SYNDIG1: variants seen among roughly 807,000 people sequenced by gnomAD.
SYNDIG1 encodes synapse differentiation-inducing gene protein 1.
A neutral mutation model predicts 19.4 loss-of-function variants in SYNDIG1; 9 were observed. That is an observed-to-expected ratio of 0.46 (90% CI 0.28 to 0.81). The LOEUF (loss-of-function observed/expected upper bound fraction) is 0.81, where lower values mean the gene tolerates loss of function less well. Ranked by LOEUF, SYNDIG1 falls within the 30% of genes least tolerant of loss-of-function variation. SYNDIG1 has a pLI of 0.12. For missense variants in SYNDIG1, 311 were observed against 343.3 expected (o/e 0.91, Z 0.74); for synonymous variants, 141 against 145.9 (o/e 0.97, Z 0.24).
At chr20:24,546,188 T>C (rs150881565) in intron 2 of SYNDIG1, among the ~76,000 whole-genome samples, 1 of 152,350 alleles carries the variant, frequency 6.6e-6, no homozygotes, top group Non-Finnish European at 1.5e-5. Context: ...CTATGGTGCT[T>C]TTCATTCCCT....
In SYNDIG1 at chr20:24,640,506, GA is replaced by G. The variant is rs1483416487; in HGVS notation, c.619-24838del. Among the ~76,000 whole-genome samples, 9 of 144,704 alleles carry G rather than the reference GA, an allele frequency of 6.2e-5. No homozygotes were observed. The East Asian group carries it at 8.0e-4, about 13-fold the overall frequency. The allele number at this position is 144,704 out of a possible 152,430, so 94.9% of individuals were successfully genotyped here. On this transcript the variant is annotated intron_variant, in intron 3 of 3. Coordinates refer to ENST00000376862, the MANE Select transcript of SYNDIG1 (RefSeq NM_024893.3). ...GGAAGGAAGGAAGGAAGGAAGGAAG[GA>G]AGGAAGGAAGGAAGGAAGGAAGGAG...
chr20:24,478,939 G>C lies in SYNDIG1; in HGVS notation c.-79+9186G>C, dbSNP rs141899125. 5.3e-5 allele frequency among the ~76,000 whole-genome samples: 8 copies of C among 152,352 alleles called. No individual in the cohort carries two copies. The South Asian group carries it at 1.7e-3, about 32-fold the overall frequency. ...GACAGCAGGTCGACTGTCAGACCTC[G>C]TGGGCACTGTGTTCTTGTCTCGCTC... On this transcript the variant is annotated intron_variant, in intron 1 of 3. Transcript: ENST00000376862.
At chr20:24,575,662 GCACCT>G (rs1372851872) in intron 2 of SYNDIG1, among the ~76,000 whole-genome samples, 63 of 152,162 alleles carry the variant, frequency 4.1e-4, no homozygotes, top group African/African-American at 1.4e-3. Flanking sequence ...CATATTTTAT[GCACCT>G]AACTGGATTA....
At chr20:24,661,409 GAAGGAGGAGTTAGGAAGGA>G (rs1600843208) in intron 3 of SYNDIG1, among the ~76,000 whole-genome samples, 3 of 101,124 alleles carry the variant, frequency 3.0e-5, no homozygotes, top group Non-Finnish European at 4.4e-5. Context: ...AGGTAGGAAA[GAAGGAGGAGTTAGGAAGGA>G]GGGAGGAAGG....
intron 2 of SYNDIG1, among the ~76,000 whole-genome samples, chr20:24,562,272 G>A (rs943755043): frequency 6.6e-6 from 1 of 152,202 alleles, no homozygotes; most frequent in Non-Finnish European, 1.5e-5. Context: ...TGAATAACTG[G>A]CTCATCCTAG....
chr20:24,480,381 G>T (rs763302031), intron 1 of SYNDIG1, among the ~76,000 whole-genome samples: 71 of 152,162 alleles, frequency 4.7e-4, no homozygotes, highest in Non-Finnish European at 8.2e-4. Context: ...GTGAAGAAAT[G>T]TCCTACCAGA....
intron 2 of SYNDIG1, among the ~76,000 whole-genome samples, chr20:24,584,603 C>T (rs1019170221): frequency 7.9e-5 from 12 of 152,224 alleles, no homozygotes; most frequent in Admixed American, 4.6e-4. Context: ...CTTCTGCAAA[C>T]GAGTGACCCA....
chr20:24,501,793 G>A (rs6114746), intron 1 of SYNDIG1, among the ~76,000 whole-genome samples: 1,898 of 152,330 alleles, frequency 0.012, 39 homozygotes, highest in African/African-American at 0.043. Context: ...CCCACTTGTG[G>A]TGTCTCATCC....
intron 2 of SYNDIG1, among the ~76,000 whole-genome samples, chr20:24,548,799 G>T (rs2057643326): frequency 6.6e-6 from 1 of 152,116 alleles, no homozygotes; most frequent in Non-Finnish European, 1.5e-5. Flanking sequence ...ATCTTAGGGG[G>T]AGCTTTTAGC....
rs1379533977 is a variant in SYNDIG1 at position 24,580,785 on chromosome 20, A to G, written c.481-4071A>G. Among the ~76,000 whole-genome samples, 5 of 152,188 alleles carry G rather than the reference A, an allele frequency of 3.3e-5. No homozygotes were observed. In the East Asian group the frequency reaches 5.8e-4, roughly 18 times the overall value. On this transcript the variant is annotated intron_variant, in intron 2 of 3. Coordinates refer to ENST00000376862, the MANE Select transcript of SYNDIG1 (RefSeq NM_024893.3). ...ATCTAGCCTCAGCTTGGTAATTTACAGAGTGTGATTCCTTTATGCTTCTAA... is the reference window on the plus strand; with the variant it reads ...ATCTAGCCTCAGCTTGGTAATTTACGGAGTGTGATTCCTTTATGCTTCTAA...
chr20:24,508,199 A>G (rs536526765), intron 1 of SYNDIG1, among the ~76,000 whole-genome samples: 15 of 150,552 alleles, frequency 1.0e-4, no homozygotes, highest in Admixed American at 2.0e-4. Flanking sequence ...TAAGTGGAAA[A>G]TTAAAATTAA....
chr20:24,578,687 G>C (rs1308994315), intron 2 of SYNDIG1, among the ~76,000 whole-genome samples: 1 of 152,186 alleles, frequency 6.6e-6, no homozygotes, highest in African/African-American at 2.4e-5. Context: ...GGGACGGCAG[G>C]TGCACAGGCT....
At chr20:24,648,622 A>G (rs1298421772) in intron 3 of SYNDIG1, among the ~76,000 whole-genome samples, 2 of 152,246 alleles carry the variant, frequency 1.3e-5, no homozygotes, top group East Asian at 1.9e-4. Context: ...CAGCAGGGCC[A>G]GCAGGGAGCC....
At chr20:24,507,785 C>T (rs1433028976) in intron 1 of SYNDIG1, among the ~76,000 whole-genome samples, 4 of 152,334 alleles carry the variant, frequency 2.6e-5, no homozygotes, top group South Asian at 2.1e-4. Flanking sequence ...GGGCCTCCTG[C>T]GGCCATCTGT....
chr20:24,636,975 A>C (rs778954571), intron 3 of SYNDIG1, among the ~76,000 whole-genome samples: 1 of 152,250 alleles, frequency 6.6e-6, no homozygotes, highest in Admixed American at 6.5e-5. Flanking sequence ...GAGGCCTTGC[A>C]TACCATCCAA....
At chr20:24,514,165 A>G (rs1442847649) in intron 1 of SYNDIG1, among the ~76,000 whole-genome samples, 1 of 152,224 alleles carries the variant, frequency 6.6e-6, no homozygotes, top group East Asian at 1.9e-4. Context: ...AGCCACTGCA[A>G]AAACATGCCA....
At chr20:24,610,255 T>G (rs2147171211) in intron 3 of SYNDIG1, among the ~76,000 whole-genome samples, 1 of 152,340 alleles carries the variant, frequency 6.6e-6, no homozygotes, top group East Asian at 1.9e-4. Context: ...GTGATAATTT[T>G]GAATAATTTG....
intron 3 of SYNDIG1, among the ~76,000 whole-genome samples, chr20:24,598,148 G>A (rs2058624705): frequency 6.6e-6 from 1 of 152,198 alleles, no homozygotes. Context: ...TCTCTGTTGA[G>A]CCAAGAAATG....
chr20:24,655,284 C>A (rs1416408484), intron 3 of SYNDIG1, among the ~76,000 whole-genome samples: 1 of 152,186 alleles, frequency 6.6e-6, no homozygotes, highest in East Asian at 1.9e-4. Flanking sequence ...CAACTGAAGC[C>A]AGAAGAAAAG....
Sources: gnomAD v4.1 joint callset for allele counts (sites outside exome capture counted in the v4.1 genomes callset) on GRCh38, gnomAD v4.1.1 for gene constraint, MANE v1.5 for transcripts, NCBI Gene and HGNC (gene_info 2026-07-23, HGNC 2026-07-21) for gene names.